The following ZNHIT3 variants were observed in gnomAD, a reference collection of about 807,000 sequenced individuals.
ZNHIT3 encodes zinc finger HIT-type containing 3.
ZNHIT3 carries 27 observed loss-of-function variants against 19.9 expected under a neutral mutation model. The observed-to-expected ratio is 1.36, with a 90% CI of 1.00 to 1.87. The LOEUF is 1.87. Ranked by LOEUF, ZNHIT3 falls within the 40% of genes most tolerant of loss-of-function variation. The probability of loss-of-function intolerance (pLI) is 0.00; values close to 1 mark genes in which losing one functional copy is unlikely to be tolerated. For synonymous variants in ZNHIT3, 81 were observed against 65.7 expected (o/e 1.23, Z -1.13); for missense variants, 215 against 185.6 (o/e 1.16, Z -0.92).
At chr17:36,496,028 T>G (rs933894599), downstream of ZNHIT3, 11 of 786,004 alleles carry the variant, frequency 1.4e-5, no homozygotes, top group African/African-American at 1.7e-4. Context: ...TAACCCTGAT[T>G]TGGTAACTAC....
At chr17:36,498,106 C>A, downstream of ZNHIT3, 1 of 699,656 alleles carries the variant, frequency 1.4e-6, no homozygotes, top group South Asian at 2.4e-5. Context: ...ATAAATAATC[C>A]AAACCTGCAG....
rs770002937 is a variant in ZNHIT3, at chr17:36,486,740, G to T, written c.41G>T (p.Cys14Phe). 52 of 1,613,908 alleles carry T rather than the reference G, an allele frequency of 3.2e-5. No individual in the cohort carries two copies. The highest frequency in any genetic ancestry group is 6.6e-5 in the South Asian group (6 of 91,084). The change falls in exon 1 of 5, where the codon TGC becomes TTC. Residue 14 changes from cysteine to phenylalanine, a missense_variant. Coordinates refer to ENST00000617429, the MANE Select transcript of ZNHIT3 (RefSeq NM_004773.4). The stretch of plus-strand genomic sequence containing the variant: ...TGTAGCACCGTCGTCTGCGTGATCT[G>T]CTTGGAGAAGCCCAAATACCGCTGT... The part of the protein sequence containing the change: ...LKCSTVVCVI[C>F]LEKPKYRCPA...
intron 2 of ZNHIT3, among the ~76,000 whole-genome samples, chr17:36,487,603 G>A (rs1489476691): frequency 2.0e-5 from 3 of 152,070 alleles, no homozygotes; most frequent in South Asian, 4.1e-4. Flanking sequence ...AGACCAGCCT[G>A]GCCAACATGG....
downstream of ZNHIT3, chr17:36,496,105 G>A: frequency 8.8e-7 from 1 of 1,140,166 alleles, no homozygotes; most frequent in Non-Finnish European, 1.3e-6. Context: ...CTGGGCACGG[G>A]GCTCTGGGTC....
chr17:36,498,643 A>C, downstream of ZNHIT3: 1 of 1,428,744 alleles, frequency 7.0e-7, no homozygotes, highest in Non-Finnish European at 9.3e-7. Context: ...TCTTTAACAA[A>C]TCATCTTAAC....
At chr17:36,496,241 G>A, downstream of ZNHIT3, 1 of 1,613,498 alleles carries the variant, frequency 6.2e-7, no homozygotes. Flanking sequence ...GGAAACAAAG[G>A]CACCAAGGAT....
intron 2 of ZNHIT3, among the ~76,000 whole-genome samples, chr17:36,487,984 G>C (rs2070621039): frequency 6.6e-6 from 1 of 150,628 alleles, no homozygotes; most frequent in South Asian, 2.1e-4. Flanking sequence ...AGTGGTCCCA[G>C]CTACTCAGGA....
At position 36,486,980 on chromosome 17, in the gene ZNHIT3, C is replaced by G; in HGVS notation, c.118+14C>G. 6.2e-7 allele frequency: 1 copy of G among 1,610,966 alleles called. No homozygotes were observed. The highest frequency in any genetic ancestry group is 8.5e-7 in the Non-Finnish European group (1 of 1,179,370). ...GGAAGCACAAAGGTGAGCCCCGTCCCCGCCAGCCCTCGTACCACTGCGCAC... is the reference window on the plus strand; with the variant it reads ...GGAAGCACAAAGGTGAGCCCCGTCCGCGCCAGCCCTCGTACCACTGCGCAC... On this transcript the variant is annotated intron_variant, in intron 2 of 4. Transcript: ENST00000617429.
rs1416283296 is a variant in ZNHIT3 at position 36,487,824 on chromosome 17, TG to T, written c.118+862del. ...AAGAAAAAAAAAAGTTTGATGTAGG[TG>T]GGGCGCGGTGGGTCACGCCTGTAAT... On this transcript the variant is annotated intron_variant, in intron 2 of 4. Coordinates refer to ENST00000617429, the MANE Select transcript of ZNHIT3 (RefSeq NM_004773.4). Among the ~76,000 whole-genome samples, 6 of 139,274 alleles carry T rather than the reference TG, an allele frequency of 4.3e-5. No homozygotes were observed. The East Asian group carries it at 1.1e-3, about 25-fold the overall frequency. The allele number at this position is 139,274 out of a possible 152,430, so 91.4% of individuals were successfully genotyped here.
intron 4 of ZNHIT3, among the ~76,000 whole-genome samples, chr17:36,494,500 G>A (rs1435508098): frequency 6.6e-6 from 1 of 152,206 alleles, no homozygotes; most frequent in Non-Finnish European, 1.5e-5. Flanking sequence ...GGAAACAGGT[G>A]TTGCCATTTT....
At chr17:36,486,842 C>T (rs1034437372) in intron 1 of ZNHIT3, 57 bp downstream of exon 1, 16 of 719,440 alleles carry the variant, frequency 2.2e-5, no homozygotes, top group African/African-American at 6.0e-5. Flanking sequence ...GGCGGGAGGG[C>T]GGGAGGCCGG....
rs774224518 is a variant in ZNHIT3 at position 36,486,707 on chromosome 17, C to T, written c.8C>T (p.Ser3Leu). Residue 3 changes from serine to leucine, a missense_variant, in exon 1 of 5, where the codon TCG becomes TTG. Coordinates refer to ENST00000617429, the MANE Select transcript of ZNHIT3 (RefSeq NM_004773.4). MA[S>L]LKCSTVVCVI... ...GTCTCCTTCCACAAAACCATGGCGT[C>T]GCTCAAATGTAGCACCGTCGTCTGC... is the stretch of plus-strand genomic sequence containing the variant. The T allele has an allele frequency of 7.3e-5, 118 of 1,613,920 alleles. No individual in the cohort carries two copies. Among genetic ancestry groups the T allele is most frequent in the Non-Finnish European group, 9.0e-5 (106 of 1,179,924 alleles).
At position 36,486,875 on chromosome 17, in the gene ZNHIT3, G is replaced by T. The variant is rs1304989168; in HGVS notation, c.87-60G>T. 20 of 1,590,064 alleles carry T rather than the reference G, an allele frequency of 1.3e-5. No individual in the cohort carries two copies. In the Admixed American group the frequency reaches 3.6e-4, roughly 28 times the overall value. On this transcript the variant is annotated intron_variant, in intron 1 of 4. Coordinates refer to ENST00000617429, the MANE Select transcript of ZNHIT3 (RefSeq NM_004773.4). ...CGGGAGGCCGGGCGGGAGCGGGCGG[G>T]CTGCTGGAGGGGCCGGGGACCCTCG...
chr17:36,487,273 C>T (rs893002051), intron 2 of ZNHIT3, among the ~76,000 whole-genome samples: 1 of 152,194 alleles, frequency 6.6e-6, no homozygotes, highest in Non-Finnish European at 1.5e-5. Flanking sequence ...CTTTTCCCAC[C>T]GAGGTCTACC....
At position 36,487,701 on chromosome 17, in the gene ZNHIT3, G is replaced by C. The variant is rs527926688; in HGVS notation, c.118+735G>C. Among the ~76,000 whole-genome samples the C allele has an allele frequency of 2.6e-5, 4 of 151,992 alleles. No individual in the cohort carries two copies. In the East Asian group the frequency reaches 7.7e-4, roughly 29 times the overall value. On this transcript the variant is annotated intron_variant, in intron 2 of 4. Transcript: ENST00000617429. ...AGCTACTCAGGAGGCTGAGGCAGGA[G>C]AATCGCTTGAACCCGGGAGGCGGAG... is the stretch of plus-strand genomic sequence containing the variant.
At chr17:36,487,197 C>T (rs2070586837) in intron 2 of ZNHIT3, among the ~76,000 whole-genome samples, 1 of 152,124 alleles carries the variant, frequency 6.6e-6, no homozygotes, top group Non-Finnish European at 1.5e-5. Context: ...TGGTCAGTAG[C>T]CTTTCTTCTA....
downstream of ZNHIT3, chr17:36,499,128 G>A: frequency 3.1e-6 from 5 of 1,609,834 alleles, no homozygotes; most frequent in Non-Finnish European, 4.2e-6. Flanking sequence ...TGCAGCCTCT[G>A]GATGTGTTTC....
intron 2 of ZNHIT3, chr17:36,490,183 C>T (rs2070695537): frequency 2.0e-5 from 3 of 151,980 alleles, no homozygotes; most frequent in South Asian, 2.1e-4. Context: ...TGAAGCATTT[C>T]CCCTGTGTTT....
At chr17:36,491,082 CCAAAG>C (rs1048284217) in intron 2 of ZNHIT3, 6 of 152,202 alleles carry the variant, frequency 3.9e-5, no homozygotes, top group African/African-American at 1.2e-4. Context: ...CCTTGGCCTC[CCAAAG>C]CGTTGGGATT....
Sources: gnomAD v4.1 joint callset for allele counts (sites outside exome capture counted in the v4.1 genomes callset) on GRCh38, gnomAD v4.1.1 for gene constraint, MANE v1.5 for transcripts, NCBI Gene and HGNC (gene_info 2026-07-23, HGNC 2026-07-21) for gene names.